CASP1: variants seen among roughly 807,000 people sequenced by gnomAD.
CASP1 encodes caspase 1, also known as caspase-1.
A neutral mutation model predicts 41.2 loss-of-function variants in CASP1; 31 were observed. That is an observed-to-expected ratio of 0.75 (90% CI 0.57 to 1.02). CASP1 has a LOEUF of 1.02. Ranked by LOEUF, CASP1 falls within the 50% of genes least tolerant of loss-of-function variation. The pLI, the probability that CASP1 is intolerant of heterozygous loss-of-function variation, is 0.00. For synonymous variants in CASP1, 163 were observed against 166.5 expected (o/e 0.98, Z 0.16); for missense variants, 490 against 495.7 (o/e 0.99, Z 0.11).
intron 5 of CASP1, 129 bp downstream of exon 5, chr11:105,030,201 T>C (rs1373205647): frequency 2.5e-6 from 2 of 791,356 alleles, no homozygotes; most frequent in African/African-American, 1.7e-5. Flanking sequence ...TATCCAGCAC[T>C]CTCTCATGGC....
At chr11:105,029,625 T>C in intron 6 of CASP1, 40 bp downstream of exon 6, 1 of 1,424,360 alleles carries the variant, frequency 7.0e-7, no homozygotes, top group South Asian at 1.1e-5. Context: ...AGTAGGATAG[T>C]ATTTGATTGT....
At chr11:105,031,537 T>C (rs1029485082) in intron 3 of CASP1, among the ~76,000 whole-genome samples, 1 of 152,130 alleles carries the variant, frequency 6.6e-6, no homozygotes, top group African/African-American at 2.4e-5. Flanking sequence ...TTTTAGATAC[T>C]AACATAGAAA....
chr11:105,029,362 C>T (rs1863527134), intron 6 of CASP1, 95 bp from the exon 7 acceptor site: 2 of 1,050,144 alleles, frequency 1.9e-6, no homozygotes, highest in South Asian at 3.2e-5. Flanking sequence ...AATGTGTTTG[C>T]TCTATCATTA....
At chr11:105,035,223 C>G, upstream of CASP1, 1 of 1,380,632 alleles carries the variant, frequency 7.2e-7, no homozygotes, top group Non-Finnish European at 1.0e-6. Context: ...CATGCATATG[C>G]ATGTCTTTAT....
chr11:105,033,980 A>C, intron 2 of CASP1: 1 of 818,340 alleles, frequency 1.2e-6, no homozygotes, highest in East Asian at 2.4e-5. Context: ...GAGCTACCAC[A>C]TACTCAGAAC....
chr11:105,025,596 A>C lies in CASP1; in HGVS notation c.*662T>G, dbSNP rs1416040400. 1.7e-5 allele frequency: 7 copies of C among 410,516 alleles called. No individual in the cohort carries two copies. In the Admixed American group the frequency reaches 2.2e-4, roughly 13 times the overall value. 25.4% of individuals were successfully genotyped at this position (410,516 alleles called of 1,614,324 possible). A position where few individuals can be genotyped will look rare whatever the true frequency, so the allele number is the denominator to read the frequency against. ...AAAACCTTTACAGAAGGATCTCTTC[A>C]CTTCCTATGAGAAAAAGAAATAATT... On this transcript the variant is annotated 3_prime_UTR_variant, in exon 9 of 9. Coordinates refer to ENST00000533400, the MANE Select transcript of CASP1 (RefSeq NM_001257118.3).
At chr11:105,033,183 C>T in intron 2 of CASP1, 57 bp from the exon 3 acceptor site, 1 of 1,019,856 alleles carries the variant, frequency 9.8e-7, no homozygotes, top group Non-Finnish European at 1.5e-6. Flanking sequence ...AAAACTTTAC[C>T]CCAATCTGTA....
At chr11:105,032,992 G>T (rs572687) in intron 3 of CASP1, 72 bp downstream of exon 3, 1 of 939,148 alleles carries the variant, frequency 1.1e-6, no homozygotes, top group African/African-American at 1.6e-5. Flanking sequence ...ATTTACCCAC[G>T]TTTGATCCTA....
chr11:105,030,341 GA>G lies in CASP1; in HGVS notation c.615del (p.Leu206SerfsTer6), dbSNP rs779588701. The G allele has an allele frequency of 1.2e-6, 2 of 1,611,892 alleles. No individual in the cohort carries two copies. Among genetic ancestry groups the G allele is most frequent in the Non-Finnish European group, 1.7e-6 (2 of 1,178,922 alleles). Reference protein sequence around the residue: ...NLGYSVDVKKNLTASDMTTEL... With the variant: ...NLGYSVDVKKXLTASDMTTEL... Reference sequence around the variant, plus strand: ...ATAATAGAACTTACCGAAGCAGTGAGATTTTTTTTCACATCTACGCTGTACC... The same window carrying G: ...ATAATAGAACTTACCGAAGCAGTGAGTTTTTTTTCACATCTACGCTGTACC... On this transcript the variant is annotated frameshift_variant, in exon 5 of 9. Coordinates refer to ENST00000533400, the MANE Select transcript of CASP1 (RefSeq NM_001257118.3). LOFTEE classifies it high-confidence loss of function.
upstream of CASP1, among the ~76,000 whole-genome samples, chr11:105,036,184 CA>C (rs1864011942): frequency 2.6e-5 from 4 of 152,046 alleles, no homozygotes; most frequent in Non-Finnish European, 5.9e-5. Flanking sequence ...ATAATTAATA[CA>C]AATGTTTAAG....
intron 3 of CASP1, among the ~76,000 whole-genome samples, chr11:105,031,971 T>C (rs1297051892): frequency 6.6e-6 from 1 of 152,102 alleles, no homozygotes; most frequent in Non-Finnish European, 1.5e-5. Flanking sequence ...TGTGAGAAAA[T>C]CCTTGAGCCT....
chr11:105,029,014 G>T, intron 7 of CASP1, 110 bp downstream of exon 7: 2 of 987,002 alleles, frequency 2.0e-6, no homozygotes, highest in Non-Finnish European at 3.0e-6. Flanking sequence ...TGTATAACTT[G>T]GAACAAAGCT....
Position 105,031,133 on chromosome 11 carries a change from C to T in CASP1, c.453+32G>A. The T allele has an allele frequency of 2.4e-6, 3 of 1,259,480 alleles. No homozygotes were observed. The East Asian group carries it at 7.0e-5, about 29-fold the overall frequency. 78.0% of individuals were successfully genotyped at this position (1,259,480 alleles called of 1,614,324 possible). On this transcript the variant is annotated intron_variant, in intron 4 of 8. Transcript: ENST00000533400. ...GAACTGCCTGAAGTGTTTCTTTCAC[C>T]CCACTCTATCCTTGGGTTCTGAGCA...
chr11:105,027,748 A>G (rs1591192730), intron 7 of CASP1, among the ~76,000 whole-genome samples: 1 of 152,102 alleles, frequency 6.6e-6, no homozygotes, highest in East Asian at 1.9e-4. Flanking sequence ...GTTCTAGTAA[A>G]AGGAAGTAAG....
chr11:105,034,202 C>G lies in CASP1; in HGVS notation c.274+6G>C. On this transcript the variant is annotated splice_donor_region_variant and intron_variant, in intron 2 of 8. Transcript: ENST00000533400. ...GTGAACTTGAGTGTAAGTCACTGAC[C>G]CTTACCTGCTGAGAGTCCCAGCGTC... The G allele has an allele frequency of 6.2e-7, 1 of 1,614,014 alleles. No individual in the cohort carries two copies. The highest frequency in any genetic ancestry group is 8.5e-7 in the Non-Finnish European group (1 of 1,179,902).
intron 3 of CASP1, among the ~76,000 whole-genome samples, chr11:105,032,333 G>C (rs1037764589): frequency 6.6e-6 from 1 of 152,088 alleles, no homozygotes; most frequent in Non-Finnish European, 1.5e-5. Flanking sequence ...GGTTATTTTT[G>C]AGCTATTTTT....
intron 7 of CASP1, 178 bp from the exon 8 acceptor site, chr11:105,027,129 T>C: frequency 1.5e-6 from 1 of 656,036 alleles, no homozygotes; most frequent in Non-Finnish European, 2.7e-6. Flanking sequence ...AATATCTAAA[T>C]GTGCATTCCC....
In CASP1 at chr11:105,029,788, T is replaced by C; in HGVS notation, c.739A>G (p.Lys247Glu). 6.2e-7 allele frequency: 1 copy of C among 1,613,700 alleles called. No homozygotes were observed. ...ATATCTGGGACTTGCTCAGAGTGTT[T>C]CTTCCCACAAATGCCTTCCCGAATA... ...HGIREGICGK[K>E]HSEQVPDILQ... Residue 247 changes from lysine (K) to glutamate (E), a missense_variant, in exon 6 of 9, where the codon AAA becomes GAA. Lys to Glu is a moderately conservative substitution (Grantham distance 56, BLOSUM62 1). Transcript: ENST00000533400.
At chr11:105,033,984 T>G in intron 2 of CASP1, 1 of 829,576 alleles carries the variant, frequency 1.2e-6, no homozygotes, top group African/African-American at 1.7e-5. Context: ...TACCACATAC[T>G]CAGAACAGGA....
Sources: allele counts gnomAD v4.1 joint callset (sites outside exome capture counted in the v4.1 genomes callset), GRCh38; gene constraint gnomAD v4.1.1; transcripts MANE v1.5; gene names NCBI Gene and HGNC (gene_info 2026-07-23, HGNC 2026-07-21).